WWOX: variants seen among roughly 807,000 people sequenced by gnomAD.
The protein encoded by WWOX is WW domain containing oxidoreductase, also known as WW domain-containing oxidoreductase.
Under a neutral mutation model 46.2 loss-of-function variants are expected in WWOX, and 69 were observed. The ratio of observed to expected loss-of-function variants is 1.49; its 90% confidence interval spans 1.23 to 1.82. WWOX has a LOEUF of 1.82. Ranked by LOEUF, WWOX falls within the 40% of genes most tolerant of loss-of-function variation. The probability of loss-of-function intolerance (pLI) is 0.00; values close to 1 mark genes in which losing one functional copy is unlikely to be tolerated. For synonymous variants in WWOX, 359 were observed against 202.6 expected (o/e 1.77, Z -6.56); for missense variants, 919 against 542.6 (o/e 1.69, Z -6.89).
chr16:78,912,825 C>G (rs1311044441), intron 8 of WWOX, among the ~76,000 whole-genome samples: 1 of 151,966 alleles, frequency 6.6e-6, no homozygotes, highest in African/African-American at 2.4e-5. Context: ...ATACAAGGTT[C>G]TCCCTCAAGA....
At chr16:78,593,783 G>A (rs1660004067) in intron 8 of WWOX, among the ~76,000 whole-genome samples, 2 of 152,054 alleles carry the variant, frequency 1.3e-5, no homozygotes, top group Admixed American at 1.3e-4. Flanking sequence ...AATCAGAAAG[G>A]AGTAGAGATG....
intron 8 of WWOX, among the ~76,000 whole-genome samples, chr16:78,797,044 T>G (rs1394149714): frequency 6.6e-6 from 1 of 152,110 alleles, no homozygotes; most frequent in Non-Finnish European, 1.5e-5. Context: ...CAGTCTGGTC[T>G]GGAACACCTG....
chr16:78,266,788 T>TTCCCTCTCTCTCTCTCTCTCTC (rs2079370761), intron 5 of WWOX, among the ~76,000 whole-genome samples: 10 of 115,626 alleles, frequency 8.6e-5, no homozygotes, highest in African/African-American at 2.9e-4. Flanking sequence ...TATTCTTCTA[T>TTCCCTCTCTCTCTCTCTCTCTC]TCTCTCTCTC....
intron 8 of WWOX, among the ~76,000 whole-genome samples, chr16:78,735,152 C>T (rs774400292): frequency 1.9e-4 from 29 of 151,848 alleles, no homozygotes; most frequent in Non-Finnish European, 3.4e-4. Context: ...CAGGGGTGAG[C>T]CACCACGTCT....
At chr16:78,966,834 G>C (rs978374777) in intron 8 of WWOX, among the ~76,000 whole-genome samples, 14 of 152,190 alleles carry the variant, frequency 9.2e-5, no homozygotes, top group African/African-American at 3.4e-4. Flanking sequence ...TTTGGGCCTC[G>C]GGTACTAAAT....
intron 8 of WWOX, among the ~76,000 whole-genome samples, chr16:78,524,291 T>G (rs1226524069): frequency 6.6e-6 from 1 of 152,230 alleles, no homozygotes; most frequent in Non-Finnish European, 1.5e-5. Context: ...AATACTCTTT[T>G]TTTGTTTATT....
chr16:78,967,086 C>T (rs373754457), intron 8 of WWOX, among the ~76,000 whole-genome samples: 1 of 151,990 alleles, frequency 6.6e-6, no homozygotes, highest in Non-Finnish European at 1.5e-5. Flanking sequence ...TAGAACTTTC[C>T]CCATAGTCAT....
chr16:78,203,603 G>C (rs890118573), intron 5 of WWOX, among the ~76,000 whole-genome samples: 2 of 152,158 alleles, frequency 1.3e-5, no homozygotes, highest in Non-Finnish European at 2.9e-5. Context: ...CCGTCTGCAA[G>C]ATGAAGGCAA....
chr16:79,045,198 A>T (rs2048042089), intron 8 of WWOX, among the ~76,000 whole-genome samples: 2 of 152,212 alleles, frequency 1.3e-5, no homozygotes, highest in African/African-American at 4.8e-5. Flanking sequence ...TATGCATTAG[A>T]ACCAAGTTCT....
chr16:78,686,152 C>G (rs1270906802), intron 8 of WWOX, among the ~76,000 whole-genome samples: 1 of 152,164 alleles, frequency 6.6e-6, no homozygotes, highest in East Asian at 1.9e-4. Flanking sequence ...CTGGATCCTT[C>G]TTTGGCTATA....
intron 5 of WWOX, among the ~76,000 whole-genome samples, chr16:78,241,720 G>A (rs1269534081): frequency 2.6e-5 from 4 of 152,158 alleles, no homozygotes; most frequent in East Asian, 3.9e-4. Context: ...GATTACAGGC[G>A]TGAACCACCA....
chr16:78,323,035 CTG>C (rs2080521756), intron 5 of WWOX, among the ~76,000 whole-genome samples: 1 of 152,044 alleles, frequency 6.6e-6, no homozygotes, highest in Non-Finnish European at 1.5e-5. Flanking sequence ...GAATGAGACT[CTG>C]TCTCAAAAAG....
At chr16:78,788,211 T>G (rs1399785919) in intron 8 of WWOX, among the ~76,000 whole-genome samples, 3 of 152,352 alleles carry the variant, frequency 2.0e-5, no homozygotes, top group Admixed American at 1.3e-4. Context: ...TATCTAAGAA[T>G]CCATTGCCAA....
chr16:78,226,331 C>T (rs2037052693), intron 5 of WWOX, among the ~76,000 whole-genome samples: 1 of 152,084 alleles, frequency 6.6e-6, no homozygotes, highest in South Asian at 2.1e-4. Context: ...AGCTCAGATC[C>T]TGTGTATTAA....
intron 8 of WWOX, among the ~76,000 whole-genome samples, chr16:79,096,598 C>T (rs2049079518): frequency 6.6e-6 from 1 of 152,154 alleles, no homozygotes; most frequent in Non-Finnish European, 1.5e-5. Flanking sequence ...TCTCCATCCC[C>T]AGCAGCACCT....
intron 8 of WWOX, among the ~76,000 whole-genome samples, chr16:78,453,630 A>C (rs375033052): frequency 7.9e-5 from 12 of 151,958 alleles, no homozygotes; most frequent in Non-Finnish European, 1.8e-4. Flanking sequence ...CAGCCCTGCT[A>C]TTTTTATCCT....
chr16:78,892,549 T>A (rs1179250661), intron 8 of WWOX, among the ~76,000 whole-genome samples: 1 of 152,210 alleles, frequency 6.6e-6, no homozygotes, highest in Non-Finnish European at 1.5e-5. Context: ...ACATTCTTGT[T>A]CAGAGCGTTC....
chr16:79,113,605 G>A (rs561791008), intron 8 of WWOX, among the ~76,000 whole-genome samples: 1 of 152,374 alleles, frequency 6.6e-6, no homozygotes, highest in African/African-American at 2.4e-5. Flanking sequence ...GCCAAAGAAG[G>A]TCCCCAGCAT....
intron 8 of WWOX, among the ~76,000 whole-genome samples, chr16:78,778,992 A>C (rs61503436): frequency 3.0e-4 from 46 of 152,164 alleles, no homozygotes; most frequent in African/African-American, 1.0e-3. Flanking sequence ...ATCTCCATCT[A>C]TTTCAGGGGA....
Sources: gnomAD v4.1 joint callset for allele counts (sites outside exome capture counted in the v4.1 genomes callset) on GRCh38, gnomAD v4.1.1 for gene constraint, MANE v1.5 for transcripts, NCBI Gene and HGNC (gene_info 2026-07-23, HGNC 2026-07-21) for gene names.